Variants in ZNF182 observed in about 807,000 individuals in gnomAD.
The protein encoded by ZNF182 is zinc finger protein 182.
A neutral mutation model predicts 28.1 loss-of-function variants in ZNF182; 10 were observed. The ratio of observed to expected loss-of-function variants is 0.36; its 90% CI spans 0.22 to 0.60. The LOEUF (loss-of-function observed/expected upper bound fraction) is 0.60. Ranked by LOEUF, ZNF182 falls within the 20% of genes least tolerant of loss-of-function variation. ZNF182 has a pLI of 0.75. For synonymous variants in ZNF182, 156 were observed against 158.7 expected (o/e 0.98, Z 0.13); for missense variants, 352 against 453.2 (o/e 0.78, Z 2.03).
At chrX:48,001,952 A>C (rs1318859313) in intron 3 of ZNF182, among the ~76,000 whole-genome samples, 1 of 111,845 alleles carries the variant, frequency 8.9e-6, no homozygotes, top group African/African-American at 3.3e-5. Context: ...AATCTAACAA[A>C]AATCAATTTC....
chrX:47,981,276 G>A (rs1306012191), intron 5 of ZNF182, among the ~76,000 whole-genome samples: 1 of 111,823 alleles, frequency 8.9e-6, no homozygotes, highest in Non-Finnish European at 1.9e-5. Context: ...AGGAGCCTGG[G>A]ACATGTTGTA....
At position 47,983,345 on chromosome X, in the gene ZNF182, G is replaced by A. The variant is rs371978166; in HGVS notation, c.82C>T (p.Pro28Ser). The A allele has an allele frequency of 8.3e-7, 1 of 1,211,005 alleles. No individual in the cohort carries two copies. The highest frequency in any genetic ancestry group is 1.1e-6 in the Non-Finnish European group (1 of 895,123). ...TQEEWQYLNP[P>S]QRTLYRDVML... ...ACGTCTCTGTACAGGGTCCTCTGTG[G>A]TGGGTTCAGGTACTGCCACTCCTCC... The change falls in exon 4 of 6, where the codon CCA becomes TCA. Residue 28 changes from proline to serine, a missense_variant. Coordinates refer to ENST00000376943, the MANE Select transcript of ZNF182 (RefSeq NM_001007088.2).
At chrX:47,986,051 T>C (rs781883428) in intron 3 of ZNF182, among the ~76,000 whole-genome samples, 1 of 111,934 alleles carries the variant, frequency 8.9e-6, no homozygotes, top group South Asian at 3.7e-4. Context: ...AGTATTACCA[T>C]GCCCTGTGAT....
intron 5 of ZNF182, 93 bp from the exon 6 acceptor site, chrX:47,977,890 A>C (rs2146457346): frequency 4.9e-6 from 4 of 823,296 alleles, no homozygotes; most frequent in South Asian, 3.3e-5. Context: ...CTGATACTAT[A>C]ATCTCATTTT....
chrX:47,986,644 T>C (rs920960233), intron 3 of ZNF182, among the ~76,000 whole-genome samples: 4 of 111,831 alleles, frequency 3.6e-5, no homozygotes, highest in Non-Finnish European at 7.5e-5. Flanking sequence ...ATGCAAAGTA[T>C]TGTTCCTGGG....
intron 2 of ZNF182, among the ~76,000 whole-genome samples, 187 bp from the exon 3 acceptor site, chrX:48,002,840 A>G (rs1350553358): frequency 8.9e-6 from 1 of 112,403 alleles, no homozygotes; most frequent in Non-Finnish European, 1.9e-5. Context: ...TTGAACACAA[A>G]AGGTTTTATA....
intron 2 of ZNF182, 48 bp downstream of exon 2, chrX:48,003,460 C>A (rs895423374): frequency 1.8e-5 from 2 of 112,457 alleles, no homozygotes; most frequent in Non-Finnish European, 3.8e-5. Flanking sequence ...TGGGCGAGGC[C>A]CGGGGTCAGG....
At chrX:47,998,948 T>C (rs1245397347) in intron 3 of ZNF182, among the ~76,000 whole-genome samples, 3 of 111,711 alleles carry the variant, frequency 2.7e-5, no homozygotes, top group Non-Finnish European at 3.8e-5. Context: ...GTCAAGGAGA[T>C]ATCTACAATC....
Position 47,976,728 on chromosome X carries a change from T to C in ZNF182, c.1302A>G (p.Ser434=), listed in dbSNP as rs782293036. ...SNLGVHQRTH[S]GEKPFECNEC... ...CATTACATTCAAAGGGTTTCTCTCC[T>C]GAATGAGTTCTCTGATGTACACCAA... Residue 434 remains serine, a synonymous_variant, in exon 6 of 6, where the codon TCA becomes TCG. Transcript: ENST00000376943. 1.7e-5 allele frequency: 21 copies of C among 1,209,543 alleles called. No individual in the cohort carries two copies. In the South Asian group the frequency reaches 3.5e-4, roughly 20 times the overall value.
chrX:47,999,059 A>G (rs1490935708), intron 3 of ZNF182, among the ~76,000 whole-genome samples: 1 of 111,448 alleles, frequency 9.0e-6, no homozygotes, highest in Non-Finnish European at 1.9e-5. Flanking sequence ...ATATATACAC[A>G]ATGGAATATC....
At chrX:47,987,786 C>T (rs782558514) in intron 3 of ZNF182, among the ~76,000 whole-genome samples, 24 of 112,138 alleles carry the variant, frequency 2.1e-4, no homozygotes, top group Non-Finnish European at 4.3e-4. Flanking sequence ...GCAATGAGCA[C>T]AGCTAGCACC....
At chrX:47,991,413 C>A (rs1297025913) in intron 3 of ZNF182, among the ~76,000 whole-genome samples, 1 of 111,995 alleles carries the variant, frequency 8.9e-6, no homozygotes, top group Non-Finnish European at 1.9e-5. Flanking sequence ...GTAATGGCAG[C>A]CTGAAATGAC....
Position 47,982,593 on chromosome X carries a change from A to G in ZNF182, c.232+356T>C, listed in dbSNP as rs150879595. On this transcript the variant is annotated intron_variant, in intron 5 of 5. Coordinates refer to ENST00000376943, the MANE Select transcript of ZNF182 (RefSeq NM_001007088.2). ...TTGTTCAATCTGAAATTAGAGCATT[A>G]GAGTCCAGGCCTGTGACTAACGTGG... Among the ~76,000 whole-genome samples the G allele has an allele frequency of 5.2e-3, 582 of 112,238 alleles. 4 individuals are homozygous for G. Among genetic ancestry groups the G allele is most frequent in the African/African-American group, 0.018 (568 of 30,887 alleles).
At position 47,979,868 on chromosome X, in the gene ZNF182, T is replaced by G. The variant is rs1475367841; in HGVS notation, c.233-2071A>C. Among the ~76,000 whole-genome samples the G allele has an allele frequency of 7.5e-4, 38 of 50,838 alleles. No homozygotes were observed. The South Asian group carries it at 0.019, about 26-fold the overall frequency. The allele number at this position is 50,838 out of a possible 115,157, so 44.1% of individuals were successfully genotyped here. A position where few individuals can be genotyped will look rare whatever the true frequency, so the allele number is the denominator to read the frequency against. On this transcript the variant is annotated intron_variant, in intron 5 of 5. Coordinates refer to ENST00000376943, the MANE Select transcript of ZNF182 (RefSeq NM_001007088.2). ...AAGGGTTTTTAAAGTGTGTGTGGGG[T>G]GTGTGTGTGTGTGTGTGTGTGTGTG...
intron 3 of ZNF182, among the ~76,000 whole-genome samples, chrX:47,984,558 T>C (rs1166157879): frequency 9.0e-6 from 1 of 110,692 alleles, no homozygotes. Flanking sequence ...GCACAATCAT[T>C]CAATGGAATG....
chrX:47,976,372 C>T lies in ZNF182; in HGVS notation c.1658G>A (p.Cys553Tyr). 8.3e-7 allele frequency: 1 copy of T among 1,209,518 alleles called. No homozygotes were observed. Among genetic ancestry groups the T allele is most frequent in the Non-Finnish European group, 1.1e-6 (1 of 894,742 alleles). The change falls in exon 6 of 6, where the codon TGC (cysteine) becomes TAC (tyrosine). Residue 553 changes from cysteine to tyrosine, a missense_variant. Physicochemically the swap from Cys to Tyr is radical, Grantham distance 194 (BLOSUM62 -2). Coordinates refer to ENST00000376943, the MANE Select transcript of ZNF182 (RefSeq NM_001007088.2). ...TCGGAAGGCTTTGCCACACTCAGTG[C>T]ATGCATAGGGTTTCTCTCCCGTGTG... ...RTHTGEKPYA[C>Y]TECGKAFREK...
At chrX:47,999,409 T>C (rs1216817755) in intron 3 of ZNF182, among the ~76,000 whole-genome samples, 1 of 109,405 alleles carries the variant, frequency 9.1e-6, no homozygotes, top group African/African-American at 3.3e-5. Context: ...CAACAATGGA[T>C]GAACCTGGGG....
chrX:47,997,244 G>A (rs1427394203), intron 3 of ZNF182, among the ~76,000 whole-genome samples: 3 of 106,779 alleles, frequency 2.8e-5, no homozygotes, highest in African/African-American at 6.9e-5. Context: ...ACTTAAACCC[G>A]GGAGGTCAAG....
chrX:47,987,475 G>C (rs1451011750), intron 3 of ZNF182, among the ~76,000 whole-genome samples: 1 of 112,633 alleles, frequency 8.9e-6, no homozygotes, highest in Non-Finnish European at 1.9e-5. Context: ...CAGTAGGTTG[G>C]TTTTCCACAG....
Sources: allele counts gnomAD v4.1 joint callset (sites outside exome capture counted in the v4.1 genomes callset), GRCh38; gene constraint gnomAD v4.1.1; transcripts MANE v1.5; gene names NCBI Gene and HGNC (gene_info 2026-07-23, HGNC 2026-07-21).